Variants in PDRG1 observed in about 807,000 individuals in gnomAD.
PDRG1 encodes p53 and DNA damage regulated 1.
In PDRG1, 14 loss-of-function variants were observed where a neutral mutation model predicts 18.4. The ratio of observed to expected loss-of-function variants is 0.76; its 90% CI spans 0.50 to 1.19. The LOEUF (loss-of-function observed/expected upper bound fraction) is 1.19, where lower values mean the gene tolerates loss of function less well. Ranked by LOEUF, PDRG1 falls within the 50% of genes most tolerant of loss-of-function variation. PDRG1 has a pLI of 0.00. For missense variants in PDRG1, 177 were observed against 160.1 expected, an observed-to-expected ratio of 1.11 and a Z score of -0.57; for synonymous variants, 65 against 60.9, an observed-to-expected ratio of 1.07 and a Z score of -0.31.
chr20:31,950,219 ACCT>A (rs1253104295), intron 2 of PDRG1, 90 bp downstream of exon 2: 14 of 1,003,604 alleles, frequency 1.4e-5, no homozygotes, highest in Non-Finnish European at 2.2e-5. Context: ...TACAGCTGTG[ACCT>A]CCTGCCTGAT....
chr20:31,951,829 C>T (rs751187709), intron 1 of PDRG1, 46 bp downstream of exon 1: 4 of 1,522,910 alleles, frequency 2.6e-6, no homozygotes, highest in African/African-American at 1.4e-5. Context: ...CGCGCTTTCC[C>T]ACGGCGCCGG....
In PDRG1 at chr20:31,945,820, A is replaced by G; in HGVS notation, c.389T>C (p.Ile130Thr). The change falls in exon 5 of 5, where the codon ATC (isoleucine) becomes ACC (threonine). Residue 130 changes from isoleucine (I) to threonine (T), a missense_variant. By Grantham distance (89) the Ile-to-Thr change is moderately conservative. Coordinates refer to ENST00000202017, the MANE Select transcript of PDRG1 (RefSeq NM_030815.3). Reference sequence around the variant, plus strand: ...GGTTCTTGAGTCTCATCCTTTCAAGATGACCTTGAGAGCTTTAAGCTCATC... The same window carrying G: ...GGTTCTTGAGTCTCATCCTTTCAAGGTGACCTTGAGAGCTTTAAGCTCATC... ...NQDELKALKV[I>T]LKG 6.2e-7 allele frequency: 1 copy of G among 1,613,790 alleles called. No homozygotes were observed. Among genetic ancestry groups the G allele is most frequent in the East Asian group, 2.2e-5 (1 of 44,878 alleles).
intron 2 of PDRG1, among the ~76,000 whole-genome samples, chr20:31,949,589 G>A (rs926341409): frequency 6.6e-6 from 1 of 150,882 alleles, no homozygotes; most frequent in African/African-American, 2.4e-5. Context: ...ATAAATAAAT[G>A]AATAAATAAA....
chr20:31,946,353 C>G (rs2064318595), intron 4 of PDRG1, 143 bp downstream of exon 4: 4 of 740,044 alleles, frequency 5.4e-6, no homozygotes, highest in Non-Finnish European at 9.5e-6. Context: ...CTACAACCAA[C>G]CACTGTGCAC....
At chr20:31,946,987 A>T (rs879215102) in intron 3 of PDRG1, among the ~76,000 whole-genome samples, 14 of 152,254 alleles carry the variant, frequency 9.2e-5, no homozygotes, top group Admixed American at 3.3e-4. Flanking sequence ...TACAAACCCA[A>T]GTCCATCAAG....
At chr20:31,950,261 A>G (rs1252343128) in intron 2 of PDRG1, 51 bp downstream of exon 2, 1 of 1,389,018 alleles carries the variant, frequency 7.2e-7, no homozygotes, top group Non-Finnish European at 1.0e-6. Context: ...AAAGGCCTTA[A>G]AGGAAAACGG....
chr20:31,948,862 C>G lies in PDRG1; in HGVS notation c.184G>C (p.Gly62Arg), dbSNP rs775880591. 6.2e-7 allele frequency: 1 copy of G among 1,613,822 alleles called. No individual in the cohort carries two copies. The highest frequency in any genetic ancestry group is 8.5e-7 in the Non-Finnish European group (1 of 1,179,894). Reference sequence around the variant, plus strand: ...TGAGGCATCTTGATAAACATGTTCCCGAAGCAAACCATCACATCTTCTGAA... The same window carrying G: ...TGAGGCATCTTGATAAACATGTTCCGGAAGCAAACCATCACATCTTCTGAA... ...SLSEDVMVCF[G>R]NMFIKMPHPE... is the part of the protein sequence containing the mutation. Residue 62 changes from glycine (G) to arginine (R), a missense_variant, in exon 3 of 5, where the codon GGG becomes CGG. By Grantham distance (125) the Gly-to-Arg change is moderately radical. Transcript: ENST00000202017.
Position 31,952,003 on chromosome 20 carries a change from G to T in PDRG1, c.-42C>A, listed in dbSNP as rs922168485. The stretch of plus-strand genomic sequence containing the variant: ...GCTTGCGGCTCTCGCGCGACCCCGG[G>T]ATCTCCGCTTCGACTCCCGCTGCGC... On this transcript the variant is annotated 5_prime_UTR_variant, in exon 1 of 5. Transcript: ENST00000202017. The T allele has an allele frequency of 1.3e-6, 2 of 1,499,998 alleles. No individual in the cohort carries two copies. Among genetic ancestry groups the T allele is most frequent in the Non-Finnish European group, 1.8e-6 (2 of 1,127,816 alleles). 92.9% of individuals were successfully genotyped at this position (1,499,998 alleles called of 1,614,324 possible).
intron 4 of PDRG1, 109 bp downstream of exon 4, chr20:31,946,387 G>T: frequency 2.9e-6 from 3 of 1,041,490 alleles, no homozygotes; most frequent in Non-Finnish European, 1.5e-6. Context: ...CTCACAGGCT[G>T]CCCCGGACAC....
rs1487254868 is a variant in PDRG1 at position 31,951,892 on chromosome 20, G to A, written c.70C>T (p.Leu24=). The change falls in exon 1 of 5, where the codon CTG becomes TTG. Residue 24 remains leucine (L), a synonymous_variant. Coordinates refer to ENST00000202017, the MANE Select transcript of PDRG1 (RefSeq NM_030815.3). ...VEVEELAEEV[L]ADKRQIVDLD... ...CCTCTCACCTGCCGCTTGTCCGCCA[G>A]CACCTCCTCGGCGAGCTCCTCCACT... The A allele has an allele frequency of 6.3e-7, 1 of 1,587,964 alleles. No individual in the cohort carries two copies. Among genetic ancestry groups the A allele is most frequent in the Non-Finnish European group, 8.6e-7 (1 of 1,168,542 alleles).
rs2064308262 is a variant in PDRG1, at chr20:31,945,485, G to A, written c.*322C>T. The A allele has an allele frequency of 4.2e-6, 1 of 237,032 alleles. No individual in the cohort carries two copies. Among genetic ancestry groups the A allele is most frequent in the Non-Finnish European group, 8.3e-6 (1 of 120,838 alleles). 14.7% of individuals were successfully genotyped at this position (237,032 alleles called of 1,614,324 possible). A position where few individuals can be genotyped will look rare whatever the true frequency, so the allele number is the denominator to read the frequency against. The stretch of plus-strand genomic sequence containing the variant: ...TGCTCAGGGTCCATGTGAACAGCAG[G>A]CCATTGTTGGGAAGTGCCTGTTGCA... On this transcript the variant is annotated 3_prime_UTR_variant, in exon 5 of 5. Coordinates refer to ENST00000202017, the MANE Select transcript of PDRG1 (RefSeq NM_030815.3).
intron 1 of PDRG1, among the ~76,000 whole-genome samples, chr20:31,950,893 G>C (rs906544422): frequency 6.6e-5 from 10 of 152,130 alleles, no homozygotes; most frequent in Non-Finnish European, 1.5e-4. Context: ...TGCTGGTTCT[G>C]GATTTGGAAT....
Position 31,950,378 on chromosome 20 carries a change from G to A in PDRG1, c.97C>T (p.Leu33=), listed in dbSNP as rs774406757. The change falls in exon 2 of 5, where the codon CTG becomes TTG. Residue 33 remains leucine, a synonymous_variant. Coordinates refer to ENST00000202017, the MANE Select transcript of PDRG1 (RefSeq NM_030815.3). ...VLADKRQIVD[L]DTKRNQNREG... ...CGATTCTGATTCCTTTTAGTGTCCA[G>A]GTCCACAATCTGAAAACCACAGGGA... 6.2e-7 allele frequency: 1 copy of A among 1,611,724 alleles called. No individual in the cohort carries two copies.
chr20:31,948,364 G>A (rs1259450823), intron 3 of PDRG1, among the ~76,000 whole-genome samples: 2 of 152,028 alleles, frequency 1.3e-5, no homozygotes, highest in African/African-American at 4.8e-5. Context: ...AGCCTGGCAT[G>A]AGGACATGAG....
chr20:31,950,518 T>C (rs1219746775), intron 1 of PDRG1, 131 bp from the exon 2 acceptor site: 5 of 674,026 alleles, frequency 7.4e-6, no homozygotes, highest in Non-Finnish European at 1.3e-5. Flanking sequence ...AATGGATTGA[T>C]GTGTGAATGT....
chr20:31,949,193 A>G (rs2064336735), intron 2 of PDRG1, among the ~76,000 whole-genome samples: 1 of 152,226 alleles, frequency 6.6e-6, no homozygotes, highest in African/African-American at 2.4e-5. Flanking sequence ...TGAGAGTGTG[A>G]GCCCTGCAGA....
In PDRG1 at chr20:31,948,901, AT is replaced by A; in HGVS notation, c.164-20del. ...ACATCTTCTGAAAGAGCAAATAGTAATTCCTTCAACAATTTTTTTTTGAGTA... is the reference window on the plus strand; with the variant it reads ...ACATCTTCTGAAAGAGCAAATAGTAATCCTTCAACAATTTTTTTTTGAGTA... On this transcript the variant is annotated intron_variant, in intron 2 of 4. Coordinates refer to ENST00000202017, the MANE Select transcript of PDRG1 (RefSeq NM_030815.3). 6.2e-7 allele frequency: 1 copy of A among 1,611,690 alleles called. No homozygotes were observed. Among genetic ancestry groups the A allele is most frequent in the Non-Finnish European group, 8.5e-7 (1 of 1,178,396 alleles).
chr20:31,944,925 G>C lies in PDRG1; in HGVS notation c.*882C>G, dbSNP rs1236304808. 1 of 152,196 alleles carries C rather than the reference G, an allele frequency of 6.6e-6. No individual in the cohort carries two copies. The highest frequency in any genetic ancestry group is 6.5e-5 in the Admixed American group (1 of 15,278). 9.4% of individuals were successfully genotyped at this position (152,196 alleles called of 1,614,324 possible). A position where few individuals can be genotyped will look rare whatever the true frequency, so the allele number is the denominator to read the frequency against. ...ATGGAGTGGCGTGCCCTTACTGAAG[G>C]ACTAGATGAGGCAAATAAAGACTAG... On this transcript the variant is annotated 3_prime_UTR_variant, in exon 5 of 5. Coordinates refer to ENST00000202017, the MANE Select transcript of PDRG1 (RefSeq NM_030815.3).
chr20:31,945,052 A>G lies in PDRG1; in HGVS notation c.*755T>C, dbSNP rs2064300863. ...TCATACTGGGACCTCAGACCACTGA[A>G]GGCAGACAGTAACGAGCAGTGCTGG... On this transcript the variant is annotated 3_prime_UTR_variant, in exon 5 of 5. Coordinates refer to ENST00000202017, the MANE Select transcript of PDRG1 (RefSeq NM_030815.3). 1 of 152,250 alleles carries G rather than the reference A, an allele frequency of 6.6e-6. No homozygotes were observed. The highest frequency in any genetic ancestry group is 2.4e-5 in the African/African-American group (1 of 41,478). The allele number at this position is 152,250 out of a possible 1,614,324, so 9.4% of individuals were successfully genotyped here.
Sources: gnomAD v4.1 joint callset for allele counts (sites outside exome capture counted in the v4.1 genomes callset) on GRCh38, gnomAD v4.1.1 for gene constraint, MANE v1.5 for transcripts, NCBI Gene and HGNC (gene_info 2026-07-23, HGNC 2026-07-21) for gene names.